Variants in GSTM4 observed in about 807,000 individuals in gnomAD.
GSTM4 encodes glutathione S-transferase mu 4.
GSTM4 carries 27 observed loss-of-function variants against 30.1 expected under a neutral mutation model. The ratio of observed to expected loss-of-function variants is 0.90; its 90% CI spans 0.66 to 1.24. The LOEUF is 1.24. GSTM4 is among the 50% of genes most tolerant of loss of function. The probability of loss-of-function intolerance (pLI) is 0.00; values close to 1 mark genes in which losing one functional copy is unlikely to be tolerated. For missense variants in GSTM4, 238 were observed against 272.1 expected, an observed-to-expected ratio of 0.87 and a Z score of 0.88; for synonymous variants, 94 against 96.2, an observed-to-expected ratio of 0.98 and a Z score of 0.13.
intron 1 of GSTM4, 30 bp downstream of exon 1, chr1:109,656,455 C>G: frequency 1.2e-6 from 2 of 1,613,050 alleles, no homozygotes; most frequent in South Asian, 1.1e-5. Context: ...ACTGTGGGAC[C>G]GGGCGCGTGG....
At chr1:109,658,253 G>C in intron 5 of GSTM4, 1 of 252,798 alleles carries the variant, frequency 4.0e-6, no homozygotes, top group Non-Finnish European at 7.6e-6. Context: ...ACCCTCCTCT[G>C]TGGAATTCCG....
Position 109,661,283 on chromosome 1 carries a change from G to C in GSTM4, c.*29G>C, listed in dbSNP as rs757303186. ...CTTGAAGGCCAGGAGGTGGGAGTGAGGAGCCCATACTCAGCCTGCTGCCCA... is the reference window on the plus strand; with the variant it reads ...CTTGAAGGCCAGGAGGTGGGAGTGACGAGCCCATACTCAGCCTGCTGCCCA... On this transcript the variant is annotated 3_prime_UTR_variant, in exon 8 of 8. Coordinates refer to ENST00000369836, the MANE Select transcript of GSTM4 (RefSeq NM_000850.5). The C allele has an allele frequency of 3.1e-5, 50 of 1,612,764 alleles. 1 individual carries two copies. The South Asian group carries it at 5.2e-4, about 17-fold the overall frequency.
Position 109,661,645 on chromosome 1 carries a change from C to A in GSTM4, c.*391C>A, listed in dbSNP as rs1212323505. The A allele has an allele frequency of 8.6e-7, 1 of 1,159,674 alleles. No individual in the cohort carries two copies. The highest frequency in any genetic ancestry group is 1.6e-5 in the African/African-American group (1 of 63,894). 71.8% of individuals were successfully genotyped at this position (1,159,674 alleles called of 1,614,324 possible). A position where few individuals can be genotyped will look rare whatever the true frequency, so the allele number is the denominator to read the frequency against. On this transcript the variant is annotated 3_prime_UTR_variant, in exon 8 of 8. Transcript: ENST00000369836. Reference sequence around the variant, plus strand: ...CATTGACTGGTTTACAGGCCCTGCTCCTGCAGCATGGCCCCTGCCTTAGGC... The same window carrying A: ...CATTGACTGGTTTACAGGCCCTGCTACTGCAGCATGGCCCCTGCCTTAGGC...
At position 109,656,332 on chromosome 1, in the gene GSTM4, G is replaced by A. The variant is rs1651977516; in HGVS notation, c.-58G>A. Reference sequence around the variant, plus strand: ...GCCCCTGCGTGCCGGGAACCCCAGAGGAGGTCGCAGTTCAGCCCAGCTGAG... The same window carrying A: ...GCCCCTGCGTGCCGGGAACCCCAGAAGAGGTCGCAGTTCAGCCCAGCTGAG... On this transcript the variant is annotated 5_prime_UTR_variant, in exon 1 of 8. Coordinates refer to ENST00000369836, the MANE Select transcript of GSTM4 (RefSeq NM_000850.5). The A allele has an allele frequency of 1.9e-6, 3 of 1,567,578 alleles. No individual in the cohort carries two copies. The highest frequency in any genetic ancestry group is 1.7e-5 in the Admixed American group (1 of 59,910).
chr1:109,659,145 CT>C (rs1313996796), intron 7 of GSTM4, 35 bp downstream of exon 7: 1 of 1,614,232 alleles, frequency 6.2e-7, no homozygotes, highest in Non-Finnish European at 8.5e-7. Flanking sequence ...TTTGATGCCC[CT>C]TGTTCCGTTA....
intron 2 of GSTM4, 130 bp from the exon 3 acceptor site, chr1:109,657,085 G>T: frequency 1.1e-6 from 1 of 905,034 alleles, no homozygotes; most frequent in Non-Finnish European, 1.8e-6. Flanking sequence ...ACCCTGGGAT[G>T]TGGGACTGAG....
Position 109,661,465 on chromosome 1 carries a change from T to G in GSTM4, c.*211T>G, listed in dbSNP as rs3211209. ...CCCTTTGAAGCCTCAGCTACCCACT[T>G]TCCTTCATGAACATCCCCCTCCCAA... On this transcript the variant is annotated 3_prime_UTR_variant, in exon 8 of 8. Transcript: ENST00000369836. 3.5e-6 allele frequency: 5 copies of G among 1,415,964 alleles called. No individual in the cohort carries two copies. The highest frequency in any genetic ancestry group is 4.6e-6 in the Non-Finnish European group (5 of 1,080,530). The allele number at this position is 1,415,964 out of a possible 1,614,324, so 87.7% of individuals were successfully genotyped here.
At position 109,658,991 on chromosome 1, in the gene GSTM4, C is replaced by T. The variant is rs754543458; in HGVS notation, c.457-9C>T. The T allele has an allele frequency of 1.3e-5, 21 of 1,613,990 alleles. No individual in the cohort carries two copies. The highest frequency in any genetic ancestry group is 4.0e-5 in the African/African-American group (3 of 74,938). On this transcript the variant is annotated splice_polypyrimidine_tract_variant and intron_variant, in intron 6 of 7. Transcript: ENST00000369836. ...AGATTCCAGCCCACACATTCTTGGC[C>T]TTCTGCAGATCACCTTTGTAGATTT... is the stretch of plus-strand genomic sequence containing the variant.
At chr1:109,664,212 T>G (rs897005363), downstream of GSTM4, among the ~76,000 whole-genome samples, 1 of 152,116 alleles carries the variant, frequency 6.6e-6, no homozygotes, top group Non-Finnish European at 1.5e-5. Context: ...TGATCATGTT[T>G]AAACTAATTC....
Position 109,656,716 on chromosome 1 carries a change from C to G in GSTM4, c.41C>G (p.Ala14Gly). ...CCTGCGGGCCATCTCTTCCAGCTGG[C>G]CCACGCCATCCGCCTGCTCCTGGAA... ...TLGYWDIRGL[A>G]HAIRLLLEYT... Residue 14 changes from alanine to glycine, a missense_variant, in exon 2 of 8, where the codon GCC (alanine) becomes GGC (glycine). By Grantham distance (60) the Ala-to-Gly change is moderately conservative. Transcript: ENST00000369836. 1 of 1,613,898 alleles carries G rather than the reference C, an allele frequency of 6.2e-7. No homozygotes were observed. Among genetic ancestry groups the G allele is most frequent in the Non-Finnish European group, 8.5e-7 (1 of 1,179,834 alleles).
intron 1 of GSTM4, 121 bp from the exon 2 acceptor site, chr1:109,656,587 TGTGC>T (rs1553232583): frequency 8.3e-6 from 5 of 601,850 alleles, no homozygotes; most frequent in Non-Finnish European, 1.2e-5. Flanking sequence ...TGTGTGTGTG[TGTGC>T]GTGCGCCGGG....
chr1:109,659,010 T>C lies in GSTM4; in HGVS notation c.467T>C (p.Val156Ala), dbSNP rs1652170932. 1 of 1,614,114 alleles carries C rather than the reference T, an allele frequency of 6.2e-7. No individual in the cohort carries two copies. Among genetic ancestry groups the C allele is most frequent in the African/African-American group, 1.3e-5 (1 of 74,946 alleles). The part of the protein sequence containing the change: ...PWFVGDKITF[V>A]DFLAYDVLDL... ...CTTGGCCTTCTGCAGATCACCTTTG[T>C]AGATTTCCTCGCCTATGATGTCCTT... The change falls in exon 7 of 8, where the codon GTA becomes GCA. Residue 156 changes from valine to alanine, a missense_variant. By Grantham distance (64) the Val-to-Ala change is moderately conservative. Coordinates refer to ENST00000369836, the MANE Select transcript of GSTM4 (RefSeq NM_000850.5).
In GSTM4 at chr1:109,656,687, A is replaced by C. The variant is rs766687649; in HGVS notation, c.37-25A>C. 4 of 1,611,634 alleles carry C rather than the reference A, an allele frequency of 2.5e-6. No homozygotes were observed. In the African/African-American group the frequency reaches 5.4e-5, roughly 22 times the overall value. The stretch of plus-strand genomic sequence containing the variant: ...AAGTCAGGGACCCTCCATCTCTGAC[A>C]CGACCTGCGGGCCATCTCTTCCAGC... On this transcript the variant is annotated intron_variant, in intron 1 of 7. Transcript: ENST00000369836.
rs922738640 is a variant in GSTM4, at chr1:109,657,635, G to A, written c.223G>A (p.Ala75Thr). ...GGCTCACAAGATCACCCAGAGCAAC[G>A]CCATCCTGTGCTACATTGCCCGCAA... ...DGAHKITQSN[A>T]ILCYIARKHN... The change falls in exon 4 of 8, where the codon GCC becomes ACC. Residue 75 changes from alanine to threonine, a missense_variant. Transcript: ENST00000369836. 6.2e-7 allele frequency: 1 copy of A among 1,614,216 alleles called. No individual in the cohort carries two copies. Among genetic ancestry groups the A allele is most frequent in the South Asian group, 1.1e-5 (1 of 91,084 alleles).
chr1:109,661,301 G>A lies in GSTM4; in HGVS notation c.*47G>A, dbSNP rs754801664. The A allele has an allele frequency of 2.2e-5, 35 of 1,612,222 alleles. 1 individual carries two copies. The South Asian group carries it at 3.7e-4, about 17-fold the overall frequency. ...GGAGTGAGGAGCCCATACTCAGCCT[G>A]CTGCCCAGGCTGTGCAGCGCAGCTG... On this transcript the variant is annotated 3_prime_UTR_variant, in exon 8 of 8. Transcript: ENST00000369836.
chr1:109,662,692 A>G (rs1652358660), downstream of GSTM4, among the ~76,000 whole-genome samples: 2 of 152,256 alleles, frequency 1.3e-5, no homozygotes, highest in East Asian at 3.8e-4. Flanking sequence ...TTAAAAACCC[A>G]TAAGATCCTA....
chr1:109,659,520 A>G, intron 7 of GSTM4: 1 of 635,800 alleles, frequency 1.6e-6, no homozygotes, highest in Non-Finnish European at 2.5e-6. Flanking sequence ...GAGGCAGAGA[A>G]CTTTAGGAGC....
Position 109,657,756 on chromosome 1 carries a change from G to T in GSTM4, c.260-16G>T. ...GGTGCTATGCTCAGAGTGAGTCTGT[G>T]TTTTGTGGGTGGCAGGTGGGGAGAC... On this transcript the variant is annotated splice_polypyrimidine_tract_variant and intron_variant, in intron 4 of 7. Coordinates refer to ENST00000369836, the MANE Select transcript of GSTM4 (RefSeq NM_000850.5). The T allele has an allele frequency of 6.2e-7, 1 of 1,614,112 alleles. No individual in the cohort carries two copies. Among genetic ancestry groups the T allele is most frequent in the Non-Finnish European group, 8.5e-7 (1 of 1,179,924 alleles).
At chr1:109,666,962 C>T (rs1647346916), downstream of GSTM4, among the ~76,000 whole-genome samples, 1 of 152,052 alleles carries the variant, frequency 6.6e-6, no homozygotes, top group South Asian at 2.1e-4. Context: ...GTTTCTTCAC[C>T]TCAGCAGTAC....
Sources: allele counts gnomAD v4.1 joint callset (sites outside exome capture counted in the v4.1 genomes callset), GRCh38; gene constraint gnomAD v4.1.1; transcripts MANE v1.5; gene names NCBI Gene and HGNC (gene_info 2026-07-23, HGNC 2026-07-21).